The following DNAH5 variants were observed in gnomAD, a reference collection of about 807,000 sequenced individuals.
DNAH5 encodes the protein axonemal beta dynein heavy chain 5.
A neutral mutation model predicts 518.2 loss-of-function variants in DNAH5; 372 were observed. The ratio of observed to expected loss-of-function variants is 0.72; its 90% CI spans 0.66 to 0.78. The LOEUF is 0.78. Ranked by LOEUF, DNAH5 falls within the 30% of genes least tolerant of loss-of-function variation. The pLI, the probability that DNAH5 is intolerant of heterozygous loss-of-function variation, is 0.00. For synonymous variants in DNAH5, 2,039 were observed against 2,025.9 expected, an observed-to-expected ratio of 1.01 and a Z score of -0.17; for missense variants, 5,523 against 5,687.0, an observed-to-expected ratio of 0.97 and a Z score of 0.93.
chr5:14,008,128 C>T (rs1784851429), intron 1 of DNAH5, among the ~76,000 whole-genome samples: 2 of 148,322 alleles, frequency 1.3e-5, no homozygotes, highest in East Asian at 2.0e-4. Flanking sequence ...GCCGAGATCG[C>T]GCCATTGCAT....
chr5:13,731,698 TTG>T (rs1190154897), intron 68 of DNAH5, among the ~76,000 whole-genome samples: 2 of 152,200 alleles, frequency 1.3e-5, no homozygotes, highest in Non-Finnish European at 2.9e-5. Context: ...CCGTAATACT[TTG>T]TGAAAATGAT....
At chr5:13,877,885 G>T (rs1453260807) in intron 21 of DNAH5, among the ~76,000 whole-genome samples, 1 of 152,164 alleles carries the variant, frequency 6.6e-6, no homozygotes, top group Non-Finnish European at 1.5e-5. Flanking sequence ...CAGGCATGAA[G>T]CACTTACAGA....
chr5:13,713,192 T>C (rs1743758457), intron 75 of DNAH5, among the ~76,000 whole-genome samples: 1 of 147,704 alleles, frequency 6.8e-6, no homozygotes, highest in Non-Finnish European at 1.5e-5. Context: ...TACGGACATA[T>C]ATATGTATAT....
At chr5:13,778,702 C>T (rs754785042) in intron 53 of DNAH5, among the ~76,000 whole-genome samples, 2 of 152,166 alleles carry the variant, frequency 1.3e-5, no homozygotes. Context: ...CTCAAGGGCC[C>T]ATTGCCTCAA....
intron 65 of DNAH5, among the ~76,000 whole-genome samples, chr5:13,746,573 A>G (rs1312426323): frequency 6.6e-6 from 1 of 152,170 alleles, no homozygotes; most frequent in African/African-American, 2.4e-5. Flanking sequence ...ACTAATATGT[A>G]TCACTATATT....
intron 65 of DNAH5, among the ~76,000 whole-genome samples, chr5:13,741,698 A>G (rs947826463): frequency 8.5e-5 from 13 of 152,176 alleles, no homozygotes; most frequent in Admixed American, 2.0e-4. Flanking sequence ...TATCACTATC[A>G]TTTCTGAGTT....
chr5:13,856,419 T>C (rs1316938021), intron 30 of DNAH5, among the ~76,000 whole-genome samples: 2 of 150,744 alleles, frequency 1.3e-5, no homozygotes, highest in African/African-American at 4.8e-5. Context: ...AAATTTCTTC[T>C]AGAAATTCTA....
At chr5:13,897,619 T>C (rs1774066105) in intron 15 of DNAH5, 1 of 152,192 alleles carries the variant, frequency 6.6e-6, no homozygotes, top group Non-Finnish European at 1.5e-5. Context: ...CTCTGTCAAA[T>C]ATTCAGCACA....
chr5:13,807,494 T>C (rs1410693396), intron 47 of DNAH5, 97 bp downstream of exon 47: 1 of 1,216,600 alleles, frequency 8.2e-7, no homozygotes, highest in Non-Finnish European at 1.2e-6. Context: ...GCTATGAAAA[T>C]TCAGATGAGA....
Position 13,714,455 on chromosome 5 carries a change from G to A in DNAH5, c.13075C>T (p.Leu4359=). The change falls in exon 75 of 79, where the codon CTG becomes TTG. Residue 4359 remains leucine (L), a synonymous_variant. Transcript: ENST00000265104. ...DETREAVVAR[L]ADDMLEKLPP... ...AGCTTCTCCAGCATATCATCAGCCA[G>A]CCGGGCCACCACCGCCTCCCGGGTC... The A allele has an allele frequency of 6.2e-7, 1 of 1,614,116 alleles. No homozygotes were observed. The highest frequency in any genetic ancestry group is 8.5e-7 in the Non-Finnish European group (1 of 1,180,006).
chr5:13,913,885 C>T lies in DNAH5; in HGVS notation c.1394G>A (p.Ser465Asn), dbSNP rs141013226. 2 of 1,613,582 alleles carry T rather than the reference C, an allele frequency of 1.2e-6. No individual in the cohort carries two copies. Among genetic ancestry groups the T allele is most frequent in the African/African-American group, 2.7e-5 (2 of 75,016 alleles). Residue 465 changes from serine (S) to asparagine (N), a missense_variant, in exon 11 of 79, where the codon AGC becomes AAC. Ser to Asn is a conservative substitution (Grantham distance 46). Around this residue, in one of 3 missense-constraint regions of DNAH5, gnomAD observed 5,121 missense variants for 5,223.3 expected, o/e 0.98. Transcript: ENST00000265104. Reference protein sequence around the residue: ...QNPNAKQFDFSEMYIFGKFET... With the variant: ...QNPNAKQFDFNEMYIFGKFET... Reference sequence around the variant, plus strand: ...GAATTTTCCAAAAATATACATCTCGCTAAAATCAAATTGTTTTGCATTTGG... The same window carrying T: ...GAATTTTCCAAAAATATACATCTCGTTAAAATCAAATTGTTTTGCATTTGG...
At chr5:13,703,684 A>G (rs886607694) in intron 76 of DNAH5, among the ~76,000 whole-genome samples, 2 of 151,962 alleles carry the variant, frequency 1.3e-5, no homozygotes, top group Admixed American at 6.6e-5. Context: ...TTCCACTCCT[A>G]TATTTCCTTC....
upstream of DNAH5, among the ~76,000 whole-genome samples, chr5:13,949,471 T>G (rs534132199): frequency 3.9e-5 from 6 of 152,332 alleles, no homozygotes; most frequent in East Asian, 1.2e-3. Context: ...TTGGTTGATT[T>G]TGTCACCATT....
intron 60 of DNAH5, among the ~76,000 whole-genome samples, chr5:13,759,860 T>C (rs1561192189): frequency 6.6e-6 from 1 of 152,186 alleles, no homozygotes. Flanking sequence ...TCTGAAGTAT[T>C]TGAGAAAAGA....
At chr5:13,890,847 C>T in intron 17 of DNAH5, 129 bp downstream of exon 17, 1 of 1,019,552 alleles carries the variant, frequency 9.8e-7, no homozygotes, top group Non-Finnish European at 1.5e-6. Flanking sequence ...GATTCCATGT[C>T]TGAATCACTT....
intron 1 of DNAH5, among the ~76,000 whole-genome samples, chr5:13,953,361 T>A (rs1780557301): frequency 6.6e-6 from 1 of 152,220 alleles, no homozygotes; most frequent in Admixed American, 6.5e-5. Flanking sequence ...AAAAGAATTG[T>A]CAGCTTCCTG....
Position 13,771,018 on chromosome 5 carries a change from T to C in DNAH5, c.9374-38A>G, listed in dbSNP as rs763012321. On this transcript the variant is annotated intron_variant, in intron 55 of 78. Transcript: ENST00000265104. ...AAGATGACAGTGTGTGAAATATGTA[T>C]GTAAGTTACCCTTTTAAAAGTTAAC... 6 of 1,496,544 alleles carry C rather than the reference T, an allele frequency of 4.0e-6. No homozygotes were observed. In the Admixed American group the frequency reaches 5.1e-5, roughly 13 times the overall value. 92.7% of individuals were successfully genotyped at this position (1,496,544 alleles called of 1,614,324 possible).
At chr5:13,840,521 G>A (rs926710979) in intron 34 of DNAH5, among the ~76,000 whole-genome samples, 4 of 152,138 alleles carry the variant, frequency 2.6e-5, no homozygotes, top group African/African-American at 9.7e-5. Context: ...CTTAAGGGAA[G>A]TCCTAAACAG....
intron 1 of DNAH5, among the ~76,000 whole-genome samples, chr5:13,960,434 T>C (rs1781101096): frequency 6.6e-6 from 1 of 152,196 alleles, no homozygotes; most frequent in Admixed American, 6.5e-5. Flanking sequence ...CTATGGCTCA[T>C]GTGCAAAAAC....
Sources: allele counts gnomAD v4.1 joint callset (sites outside exome capture counted in the v4.1 genomes callset), GRCh38; gene constraint gnomAD v4.1.1; regional missense constraint gnomAD v4.1.1; transcripts MANE v1.5; gene names NCBI Gene and HGNC (gene_info 2026-07-23, HGNC 2026-07-21).